The following SLC5A8 variants were observed in gnomAD, a reference collection of about 807,000 sequenced individuals.
SLC5A8 encodes solute carrier family 5 member 8.
Under a neutral mutation model 71.9 loss-of-function variants are expected in SLC5A8, and 55 were observed. The ratio of observed to expected loss-of-function variants is 0.77; its 90% CI spans 0.62 to 0.96. SLC5A8 has a LOEUF of 0.96. SLC5A8 is among the 40% of genes least tolerant of loss of function. SLC5A8 has a pLI of 0.00. For synonymous variants in SLC5A8, 307 were observed against 276.1 expected, an observed-to-expected ratio of 1.11 and a Z score of -1.11; for missense variants, 701 against 745.3, an observed-to-expected ratio of 0.94 and a Z score of 0.69.
At chr12:101,171,324 G>T (rs890962656) in intron 10 of SLC5A8, among the ~76,000 whole-genome samples, 5 of 152,136 alleles carry the variant, frequency 3.3e-5, no homozygotes, top group Non-Finnish European at 1.5e-5. Context: ...TGACAGATAG[G>T]ACTGACCCTC....
At chr12:101,194,522 G>A (rs1321936327) in intron 4 of SLC5A8, among the ~76,000 whole-genome samples, 2 of 152,220 alleles carry the variant, frequency 1.3e-5, no homozygotes, top group Non-Finnish European at 2.9e-5. Flanking sequence ...CGGGAGTGCG[G>A]TGGTGCAATC....
At chr12:101,162,692 T>C (rs886116757) in intron 12 of SLC5A8, among the ~76,000 whole-genome samples, 1 of 152,266 alleles carries the variant, frequency 6.6e-6, no homozygotes, top group African/African-American at 2.4e-5. Flanking sequence ...AGCTAAATGT[T>C]GGTTACTTAT....
Position 101,210,152 on chromosome 12 carries a change from G to T in SLC5A8, c.-304C>A, listed in dbSNP as rs1164143655. ...CTGGAGTGGCCGAGTTCGCCAAGGC[G>T]CCGGGGACACCTGAGCAGATGAGAA... On this transcript the variant is annotated 5_prime_UTR_variant, in exon 1 of 15. Coordinates refer to ENST00000536262, the MANE Select transcript of SLC5A8 (RefSeq NM_145913.5). The T allele has an allele frequency of 5.3e-6, 2 of 378,040 alleles. No homozygotes were observed. The highest frequency in any genetic ancestry group is 2.1e-5 in the African/African-American group (1 of 47,628). The allele number at this position is 378,040 out of a possible 1,614,324, so 23.4% of individuals were successfully genotyped here.
rs1156754953 is a variant in SLC5A8, at chr12:101,166,449, G to A, written c.1526+45C>T. ...AAGCAAGTGGGGTTCTCTACTTGTT[G>A]CGTAAATTTTTTAAAGTATAATGTA... On this transcript the variant is annotated intron_variant, in intron 12 of 14. Transcript: ENST00000536262. 2.0e-6 allele frequency: 3 copies of A among 1,526,110 alleles called. No individual in the cohort carries two copies. The East Asian group carries it at 7.0e-5, about 36-fold the overall frequency. The allele number at this position is 1,526,110 out of a possible 1,614,324, so 94.5% of individuals were successfully genotyped here.
intron 10 of SLC5A8, 80 bp from the exon 11 acceptor site, chr12:101,168,262 T>C (rs1054493964): frequency 3.8e-6 from 5 of 1,318,552 alleles, no homozygotes; most frequent in Non-Finnish European, 5.2e-6. Flanking sequence ...ATCAGGATAA[T>C]GACTTAAAGT....
chr12:101,168,313 G>A (rs918122045), intron 10 of SLC5A8, 131 bp from the exon 11 acceptor site: 3 of 810,462 alleles, frequency 3.7e-6, no homozygotes, highest in Non-Finnish European at 3.8e-6. Flanking sequence ...AGTCATGATA[G>A]CCTTATCACT....
chr12:101,174,110 A>G (rs926921893), intron 10 of SLC5A8, among the ~76,000 whole-genome samples: 3 of 152,214 alleles, frequency 2.0e-5, no homozygotes, highest in Admixed American at 2.0e-4. Context: ...GGAGGGCTTC[A>G]TTTGACTTCT....
At position 101,193,933 on chromosome 12, in the gene SLC5A8, A is replaced by G. The variant is rs376041924; in HGVS notation, c.538-154T>C. On this transcript the variant is annotated intron_variant, in intron 4 of 14. Coordinates refer to ENST00000536262, the MANE Select transcript of SLC5A8 (RefSeq NM_145913.5). ...ACAGTCAGGTTGGGAGAATCTTCAT[A>G]CAGAAGGATATATTTAAATCAAGTC... Among the ~76,000 whole-genome samples the G allele has an allele frequency of 4.6e-5, 7 of 152,334 alleles. No homozygotes were observed. The East Asian group carries it at 9.6e-4, about 21-fold the overall frequency.
chr12:101,184,625 G>T (rs1868542520), intron 7 of SLC5A8, among the ~76,000 whole-genome samples: 1 of 152,168 alleles, frequency 6.6e-6, no homozygotes, highest in Non-Finnish European at 1.5e-5. Flanking sequence ...ATAATAAGTT[G>T]TCTTTAAGGA....
chr12:101,162,538 T>C (rs1427072740), intron 12 of SLC5A8, among the ~76,000 whole-genome samples: 1 of 152,206 alleles, frequency 6.6e-6, no homozygotes, highest in African/African-American at 2.4e-5. Context: ...GTGGTACATA[T>C]ACACCATGGA....
chr12:101,209,568 A>T lies in SLC5A8; in HGVS notation c.281T>A (p.Phe94Tyr). Reference protein sequence around the residue: ...IFSIFAFTYFFVVVISAEVFL... With the variant: ...IFSIFAFTYFYVVVISAEVFL... ...GACCTCCGCGCTGATGACCACCACAAAGAAGTAGGTGAAGGCAAAGATGCT... is the reference window on the plus strand; with the variant it reads ...GACCTCCGCGCTGATGACCACCACATAGAAGTAGGTGAAGGCAAAGATGCT... Residue 94 changes from phenylalanine (F) to tyrosine (Y), a missense_variant, in exon 1 of 15, where the codon TTT becomes TAT. Coordinates refer to ENST00000536262, the MANE Select transcript of SLC5A8 (RefSeq NM_145913.5). 1.9e-6 allele frequency: 3 copies of T among 1,614,070 alleles called. No individual in the cohort carries two copies. Among genetic ancestry groups the T allele is most frequent in the Non-Finnish European group, 2.5e-6 (3 of 1,180,014 alleles).
chr12:101,168,117 C>G lies in SLC5A8; in HGVS notation c.1299G>C (p.Leu433Phe). ...TTACAATTGAGTTGGCAAAGGGAAC[C>G]AAAATGCCCAAAGCGAACAGGCCCA... ...PLMGLFALGI[L>F]VPFANSIGAL... is the part of the protein sequence containing the mutation. The change falls in exon 11 of 15, where the codon TTG becomes TTC. Residue 433 changes from leucine (L) to phenylalanine (F), a missense_variant. By Grantham distance (22) the Leu-to-Phe change is conservative. Transcript: ENST00000536262. 2 of 1,609,288 alleles carry G rather than the reference C, an allele frequency of 1.2e-6. No homozygotes were observed. Among genetic ancestry groups the G allele is most frequent in the Non-Finnish European group, 1.7e-6 (2 of 1,177,640 alleles).
At chr12:101,200,298 C>T (rs1226440201) in intron 3 of SLC5A8, among the ~76,000 whole-genome samples, 4 of 151,808 alleles carry the variant, frequency 2.6e-5, no homozygotes, top group South Asian at 2.1e-4. Flanking sequence ...ATATCTTGAG[C>T]GGGGTGGTAG....
At chr12:101,184,576 T>C (rs1402589945) in intron 7 of SLC5A8, among the ~76,000 whole-genome samples, 13 of 152,220 alleles carry the variant, frequency 8.5e-5, no homozygotes, top group African/African-American at 2.9e-4. Context: ...ATATGGAATA[T>C]AATAAATGCT....
intron 13 of SLC5A8, among the ~76,000 whole-genome samples, chr12:101,161,359 A>T (rs1313959448): frequency 6.6e-6 from 1 of 152,194 alleles, no homozygotes; most frequent in Non-Finnish European, 1.5e-5. Flanking sequence ...GAATTCATAG[A>T]ATGAGGACAA....
chr12:101,182,777 A>G, intron 9 of SLC5A8, 26 bp downstream of exon 9: 1 of 1,498,982 alleles, frequency 6.7e-7, no homozygotes, highest in Non-Finnish European at 9.1e-7. Context: ...CTGAGCTAAA[A>G]TGGAATTATG....
chr12:101,209,901 A>G lies in SLC5A8; in HGVS notation c.-53T>C. On this transcript the variant is annotated 5_prime_UTR_variant, in exon 1 of 15. Coordinates refer to ENST00000536262, the MANE Select transcript of SLC5A8 (RefSeq NM_145913.5). ...GCAAACTGGTGGCCCCGCGGCGCGC[A>G]GCCGGAGCCCGGCGCGCACTTCTTA... The G allele has an allele frequency of 1.4e-6, 2 of 1,440,632 alleles. No individual in the cohort carries two copies. Among genetic ancestry groups the G allele is most frequent in the Non-Finnish European group, 1.8e-6 (2 of 1,088,646 alleles). 89.2% of individuals were successfully genotyped at this position (1,440,632 alleles called of 1,614,324 possible).
intron 12 of SLC5A8, 115 bp downstream of exon 12, chr12:101,166,379 T>C: frequency 1.3e-6 from 1 of 790,664 alleles, no homozygotes; most frequent in Non-Finnish European, 1.9e-6. Context: ...TGGGTTTTAC[T>C]CATTTCAGAA....
intron 9 of SLC5A8, 118 bp downstream of exon 9, chr12:101,182,685 G>T: frequency 3.1e-6 from 2 of 649,958 alleles, no homozygotes; most frequent in Non-Finnish European, 2.7e-6. Flanking sequence ...GCATACATAT[G>T]TGGATATCCA....
Sources: allele counts gnomAD v4.1 joint callset (sites outside exome capture counted in the v4.1 genomes callset), GRCh38; gene constraint gnomAD v4.1.1; transcripts MANE v1.5; gene names NCBI Gene and HGNC (gene_info 2026-07-23, HGNC 2026-07-21).